Variants in DNAH14 observed in about 807,000 individuals in gnomAD.
DNAH14 encodes the protein axonemal beta dynein heavy chain 14.
In DNAH14, 478 loss-of-function variants were observed where a neutral mutation model predicts 520.9. That is an observed-to-expected ratio of 0.92 (90% CI 0.85 to 0.99). DNAH14 has a LOEUF of 0.99. Among genes scored for constraint, DNAH14 ranks in the 50% least tolerant of loss-of-function variants. The pLI is 0.00. For synonymous variants in DNAH14, 1,581 were observed against 1,757.2 expected, an observed-to-expected ratio of 0.90 and a Z score of 2.51; for missense variants, 4,831 against 5,234.5, an observed-to-expected ratio of 0.92 and a Z score of 2.38.
intron 43 of DNAH14, 147 bp from the exon 44 acceptor site, chr1:225,252,154 A>G (rs937441665): frequency 3.5e-6 from 2 of 579,164 alleles, no homozygotes; most frequent in African/African-American, 3.9e-5. Flanking sequence ...TGAGGGGAAA[A>G]CAGGCCTATA....
chr1:225,042,869 G>T lies in DNAH14; in HGVS notation c.1523G>T (p.Arg508Ile). Reference sequence around the variant, plus strand: ...AGTGTTGAAGTGGGGAAGGATTTGAGAAAAACATATGCACCAATATTTGAA... The same window carrying T: ...AGTGTTGAAGTGGGGAAGGATTTGATAAAAACATATGCACCAATATTTGAA... The part of the protein sequence containing the change: ...LNSVEVGKDL[R>I]KTYAPIFEVN... Residue 508 changes from arginine to isoleucine, a missense_variant, in exon 13 of 86, where the codon AGA (arginine) becomes ATA (isoleucine). Arg to Ile is a moderately conservative substitution (Grantham distance 97). Coordinates refer to ENST00000682510, the MANE Select transcript of DNAH14 (RefSeq NM_001367479.1). 3 of 1,551,398 alleles carry T rather than the reference G, an allele frequency of 1.9e-6. No homozygotes were observed. The highest frequency in any genetic ancestry group is 1.2e-5 in the South Asian group (1 of 83,980).
At chr1:225,349,501 G>C (rs1416543709) in intron 71 of DNAH14, among the ~76,000 whole-genome samples, 1 of 151,974 alleles carries the variant, frequency 6.6e-6, no homozygotes, top group Non-Finnish European at 1.5e-5. Flanking sequence ...CAATAAAAAG[G>C]CATAGATTGG....
At chr1:225,277,560 A>G in intron 54 of DNAH14, 58 bp downstream of exon 54, 1 of 461,568 alleles carries the variant, frequency 2.2e-6, no homozygotes, top group East Asian at 7.0e-5. Context: ...AAATCCCAAT[A>G]AAATCTACTG....
intron 76 of DNAH14, among the ~76,000 whole-genome samples, chr1:225,366,738 T>G (rs2095557341): frequency 6.6e-6 from 1 of 152,086 alleles, no homozygotes; most frequent in South Asian, 2.1e-4. Flanking sequence ...CCACTTACCT[T>G]CTCAGGGTGA....
At chr1:225,354,441 T>C (rs1334498429) in intron 73 of DNAH14, among the ~76,000 whole-genome samples, 2 of 152,180 alleles carry the variant, frequency 1.3e-5, no homozygotes, top group African/African-American at 4.8e-5. Context: ...TGGTGGATTA[T>C]GGGTATGCAT....
chr1:224,946,782 T>G (rs2059861888), intron 1 of DNAH14, among the ~76,000 whole-genome samples: 1 of 152,062 alleles, frequency 6.6e-6, no homozygotes, highest in Admixed American at 6.5e-5. Flanking sequence ...TTGTTTTGTT[T>G]GTATATTTGG....
intron 41 of DNAH14, among the ~76,000 whole-genome samples, chr1:225,228,603 C>T (rs1431508935): frequency 7.3e-6 from 1 of 137,690 alleles, no homozygotes; most frequent in Non-Finnish European, 1.7e-5. Flanking sequence ...AGACCCCCCA[C>T]TCCTGGGGGG....
intron 55 of DNAH14, among the ~76,000 whole-genome samples, chr1:225,293,203 A>G (rs2093932066): frequency 6.6e-6 from 1 of 152,200 alleles, no homozygotes; most frequent in Admixed American, 6.5e-5. Flanking sequence ...GAGAAAAAGG[A>G]ATGCTTATAC....
chr1:225,057,850 G>A (rs1250368026), intron 17 of DNAH14, among the ~76,000 whole-genome samples: 1 of 152,174 alleles, frequency 6.6e-6, no homozygotes, highest in Non-Finnish European at 1.5e-5. Flanking sequence ...TTCGTATGTT[G>A]AAACAGCCTT....
At chr1:225,393,169 A>G (rs1250628902) in intron 84 of DNAH14, among the ~76,000 whole-genome samples, 2 of 152,264 alleles carry the variant, frequency 1.3e-5, no homozygotes, top group Non-Finnish European at 2.9e-5. Context: ...ATCTTTAGTC[A>G]GAGAAATGCA....
chr1:225,303,219 A>C lies in DNAH14; in HGVS notation c.8695A>C (p.Asn2899His). 3.2e-6 allele frequency: 5 copies of C among 1,544,236 alleles called. No individual in the cohort carries two copies. Among genetic ancestry groups the C allele is most frequent in the Non-Finnish European group, 4.4e-6 (5 of 1,144,180 alleles). The change falls in exon 57 of 86, where the codon AAT (asparagine) becomes CAT (histidine). Residue 2899 changes from asparagine to histidine, a missense_variant. Physicochemically the swap from Asn to His is moderately conservative, Grantham distance 68 (BLOSUM62 1). Coordinates refer to ENST00000682510, the MANE Select transcript of DNAH14 (RefSeq NM_001367479.1). ...TCCTGAAGGACCTAGCTTCCGCCAAAATTGTAGAGTGTATCCTTCTATGAT... is the reference window on the plus strand; with the variant it reads ...TCCTGAAGGACCTAGCTTCCGCCAACATTGTAGAGTGTATCCTTCTATGAT... ...MSPEGPSFRQNCRVYPSMISS... is the reference protein window; with the variant it reads ...MSPEGPSFRQHCRVYPSMISS...
At chr1:224,973,518 A>G (rs1400830083) in intron 7 of DNAH14, among the ~76,000 whole-genome samples, 1 of 152,222 alleles carries the variant, frequency 6.6e-6, no homozygotes, top group Non-Finnish European at 1.5e-5. Context: ...TTGCAGAAAC[A>G]GTTGGCCTGT....
chr1:225,062,917 A>T (rs1266932948), intron 17 of DNAH14, among the ~76,000 whole-genome samples: 1 of 152,230 alleles, frequency 6.6e-6, no homozygotes, highest in African/African-American at 2.4e-5. Context: ...GATACGTAAC[A>T]TGTAACACTG....
chr1:225,102,832 C>T (rs2075639976), intron 23 of DNAH14, among the ~76,000 whole-genome samples: 1 of 152,090 alleles, frequency 6.6e-6, no homozygotes, highest in African/African-American at 2.4e-5. Context: ...TTCTGCCATC[C>T]TGTAGGTTGC....
intron 60 of DNAH14, among the ~76,000 whole-genome samples, chr1:225,310,597 TAGACCCTCACCCCC>T (rs1475833264): frequency 2.6e-5 from 4 of 152,110 alleles, no homozygotes; most frequent in Non-Finnish European, 4.4e-5. Flanking sequence ...ATCTCTCCCC[TAGACCCTCACCCCC>T]CGACAGGCCC....
At chr1:225,003,015 C>T in intron 9 of DNAH14, 88 bp downstream of exon 9, 4 of 1,183,350 alleles carry the variant, frequency 3.4e-6, no homozygotes, top group Non-Finnish European at 4.5e-6. Flanking sequence ...ATACAGATTT[C>T]TAAATTCATA....
At chr1:225,263,533 A>G (rs2093012006) in intron 46 of DNAH14, among the ~76,000 whole-genome samples, 1 of 151,836 alleles carries the variant, frequency 6.6e-6, no homozygotes, top group African/African-American at 2.4e-5. Context: ...TGTCTGTTCT[A>G]TCTTCACATA....
chr1:225,355,913 T>G (rs1465870173), intron 73 of DNAH14, among the ~76,000 whole-genome samples: 9 of 152,212 alleles, frequency 5.9e-5, no homozygotes, highest in Admixed American at 5.9e-4. Context: ...TCTCTCCTCC[T>G]GACGGTTGCT....
At chr1:225,049,764 A>G (rs887788545) in intron 15 of DNAH14, among the ~76,000 whole-genome samples, 46 of 127,970 alleles carry the variant, frequency 3.6e-4, no homozygotes, top group African/African-American at 1.3e-3. Context: ...CTATCTGTCT[A>G]TCTATCTACC....
Sources: gnomAD v4.1 joint callset for allele counts (sites outside exome capture counted in the v4.1 genomes callset) on GRCh38, gnomAD v4.1.1 for gene constraint, MANE v1.5 for transcripts, NCBI Gene and HGNC (gene_info 2026-07-23, HGNC 2026-07-21) for gene names.